The following GRIK2 variants were observed in gnomAD, a reference collection of about 807,000 sequenced individuals.
GRIK2 encodes the protein glutamate ionotropic receptor kainate type subunit 2, also known as glutamate receptor ionotropic, kainate 2.
GRIK2 carries 32 observed loss-of-function variants against 100.3 expected under a neutral mutation model. The observed-to-expected ratio is 0.32, with a 90% confidence interval of 0.24 to 0.43. The LOEUF is 0.43. GRIK2 is among the 20% of genes least tolerant of loss of function. The pLI is 1.00. For synonymous variants in GRIK2, 417 were observed against 389.4 expected (o/e 1.07, Z -0.83); for missense variants, 843 against 1,114.9 (o/e 0.76, Z 3.47).
Position 101,788,474 on chromosome 6 carries a change from C to G in GRIK2, c.952-11174C>G, listed in dbSNP as rs1583150545. Reference sequence around the variant, plus strand: ...AACATGCAGTGTTTGGTTTTTTGTCCTTGCAATAGTTTACTGAGAGTGATG... The same window carrying G: ...AACATGCAGTGTTTGGTTTTTTGTCGTTGCAATAGTTTACTGAGAGTGATG... On this transcript the variant is annotated intron_variant, in intron 7 of 16. Transcript: ENST00000369134. Among the ~76,000 whole-genome samples the G allele has an allele frequency of 2.0e-5, 3 of 151,868 alleles. No individual in the cohort carries two copies. The South Asian group carries it at 6.2e-4, about 32-fold the overall frequency.
intron 7 of GRIK2, among the ~76,000 whole-genome samples, chr6:101,769,234 A>G (rs1778249729): frequency 6.6e-6 from 1 of 152,222 alleles, no homozygotes; most frequent in Admixed American, 6.5e-5. Flanking sequence ...CCAAGTATAC[A>G]GTATGTTGAA....
At chr6:101,850,628 G>C (rs1001789112) in intron 10 of GRIK2, among the ~76,000 whole-genome samples, 2 of 151,600 alleles carry the variant, frequency 1.3e-5, no homozygotes, top group Non-Finnish European at 2.9e-5. Context: ...TACTTTTTCA[G>C]AACTTCATTT....
At chr6:101,794,425 A>G (rs1253063257) in intron 7 of GRIK2, among the ~76,000 whole-genome samples, 2 of 152,032 alleles carry the variant, frequency 1.3e-5, no homozygotes, top group Non-Finnish European at 2.9e-5. Flanking sequence ...AGCTAGTCAT[A>G]TCTTTCAAAT....
chr6:101,797,777 A>G (rs1187296621), intron 7 of GRIK2, among the ~76,000 whole-genome samples: 1 of 146,978 alleles, frequency 6.8e-6, no homozygotes. Context: ...TATATATTAT[A>G]TATTACATAC....
chr6:101,711,717 G>C (rs1007389109), intron 7 of GRIK2, among the ~76,000 whole-genome samples: 3 of 151,742 alleles, frequency 2.0e-5, no homozygotes, highest in African/African-American at 7.2e-5. Flanking sequence ...TGTTATGACA[G>C]ATAAATCAAG....
At chr6:102,010,701 C>T (rs928251286) in intron 14 of GRIK2, among the ~76,000 whole-genome samples, 4 of 151,622 alleles carry the variant, frequency 2.6e-5, no homozygotes. Context: ...TCTTCTTAAC[C>T]CATAACAATC....
At chr6:101,973,217 A>AT (rs933842821) in intron 14 of GRIK2, among the ~76,000 whole-genome samples, 2 of 151,750 alleles carry the variant, frequency 1.3e-5, no homozygotes, top group Non-Finnish European at 1.5e-5. Context: ...AATCTGAGCC[A>AT]TTTTTTTCTG....
intron 2 of GRIK2, among the ~76,000 whole-genome samples, chr6:101,619,845 AG>A (rs1386512623): frequency 9.9e-5 from 15 of 152,114 alleles, no homozygotes; most frequent in African/African-American, 3.6e-4. Context: ...GGAACAGGCA[AG>A]GGTTTTGAAG....
At chr6:102,011,438 T>C (rs935179564) in intron 14 of GRIK2, among the ~76,000 whole-genome samples, 7 of 152,086 alleles carry the variant, frequency 4.6e-5, no homozygotes, top group South Asian at 2.1e-4. Flanking sequence ...TAGTTCTTTA[T>C]TGGAAGGTTT....
At position 101,553,723 on chromosome 6, in the gene GRIK2, T is replaced by C. The variant is rs1271928579; in HGVS notation, c.116-68226T>C. On this transcript the variant is annotated intron_variant, in intron 2 of 16. Transcript: ENST00000369134. ...GTTATGAAAGGCAGTGGGGCAAAGA[T>C]GTTTGAGGATTTAGCTAAAACAATC... Among the ~76,000 whole-genome samples the C allele has an allele frequency of 2.6e-5, 4 of 152,212 alleles. No individual in the cohort carries two copies. The East Asian group carries it at 7.7e-4, about 29-fold the overall frequency.
chr6:101,829,893 T>C (rs1782567025), intron 10 of GRIK2, among the ~76,000 whole-genome samples: 1 of 151,984 alleles, frequency 6.6e-6, no homozygotes, highest in African/African-American at 2.4e-5. Context: ...AAATTACCAA[T>C]GTCATTTTTC....
At chr6:101,897,365 A>G (rs1158004075) in intron 12 of GRIK2, among the ~76,000 whole-genome samples, 3 of 151,806 alleles carry the variant, frequency 2.0e-5, no homozygotes, top group East Asian at 3.9e-4. Flanking sequence ...TGTTGTTTCT[A>G]GATAGCAACA....
chr6:101,679,409 T>A (rs927546960), intron 5 of GRIK2, among the ~76,000 whole-genome samples: 1 of 152,146 alleles, frequency 6.6e-6, no homozygotes, highest in African/African-American at 2.4e-5. Flanking sequence ...CTAATAATAT[T>A]TTGACTTTAG....
At chr6:101,647,878 C>T (rs1781603863) in intron 4 of GRIK2, among the ~76,000 whole-genome samples, 1 of 151,930 alleles carries the variant, frequency 6.6e-6, no homozygotes, top group Non-Finnish European at 1.5e-5. Flanking sequence ...AAGTGCTAGT[C>T]TCAAATATTC....
chr6:101,942,299 T>C (rs1791004851), intron 14 of GRIK2, among the ~76,000 whole-genome samples: 2 of 152,272 alleles, frequency 1.3e-5, no homozygotes, highest in East Asian at 1.9e-4. Flanking sequence ...AGTAGTTCTT[T>C]ATAGCACTGT....
intron 12 of GRIK2, among the ~76,000 whole-genome samples, chr6:101,906,366 C>CTG (rs141112872): frequency 0.029 from 4,192 of 145,922 alleles, 194 homozygotes; most frequent in African/African-American, 0.099. Flanking sequence ...AAAACAAGAT[C>CTG]TGTGTGTGTG....
At chr6:101,470,059 G>A (rs1335479970) in intron 2 of GRIK2, among the ~76,000 whole-genome samples, 4 of 152,122 alleles carry the variant, frequency 2.6e-5, no homozygotes, top group Non-Finnish European at 4.4e-5. Context: ...GTGGCTCTGT[G>A]GGGCCTTCCT....
At chr6:102,035,237 G>A (rs1464489214) in intron 14 of GRIK2, 104 bp from the exon 15 acceptor site, 1 of 455,030 alleles carries the variant, frequency 2.2e-6, no homozygotes, top group African/African-American at 2.0e-5. Context: ...ATATTAAGAT[G>A]GTACAAGTAA....
chr6:102,047,355 G>A (rs1770947290), intron 15 of GRIK2, among the ~76,000 whole-genome samples: 2 of 152,014 alleles, frequency 1.3e-5, no homozygotes, highest in Non-Finnish European at 2.9e-5. Context: ...GAAAAAGAAG[G>A]CATTAAACTG....
Sources: gnomAD v4.1 joint callset for allele counts (sites outside exome capture counted in the v4.1 genomes callset) on GRCh38, gnomAD v4.1.1 for gene constraint, MANE v1.5 for transcripts, NCBI Gene and HGNC (gene_info 2026-07-23, HGNC 2026-07-21) for gene names.